The following CTNNBL1 variants were observed in gnomAD, a reference collection of about 807,000 sequenced individuals.
CTNNBL1 encodes catenin beta like 1, also known as beta-catenin-like protein 1.
Under a neutral mutation model 72.7 loss-of-function variants are expected in CTNNBL1, and 31 were observed. The ratio of observed to expected loss-of-function variants is 0.43; its 90% CI spans 0.32 to 0.58. The LOEUF (loss-of-function observed/expected upper bound fraction) is 0.58. Ranked by LOEUF, CTNNBL1 falls within the 20% of genes least tolerant of loss-of-function variation. CTNNBL1 has a pLI of 0.08. For missense variants in CTNNBL1, 534 were observed against 725.1 expected, an observed-to-expected ratio of 0.74 and a Z score of 3.03; for synonymous variants, 240 against 267.3, an observed-to-expected ratio of 0.90 and a Z score of 1.00.
chr20:37,860,923 C>A (rs562572299), intron 15 of CTNNBL1, among the ~76,000 whole-genome samples: 16 of 152,308 alleles, frequency 1.1e-4, no homozygotes, highest in South Asian at 8.3e-4. Flanking sequence ...GTGTAGTTAT[C>A]ATAGGTGTGT....
At chr20:37,773,132 A>G (rs1404498383) in intron 7 of CTNNBL1, among the ~76,000 whole-genome samples, 1 of 152,222 alleles carries the variant, frequency 6.6e-6, no homozygotes, top group Non-Finnish European at 1.5e-5. Flanking sequence ...TGCTTCAGAA[A>G]CAGTTGCAGC....
rs576640573 is a variant in CTNNBL1, at chr20:37,865,094, C to T, written c.1603+4750C>T. Among the ~76,000 whole-genome samples, 18 of 152,266 alleles carry T rather than the reference C, an allele frequency of 1.2e-4. No homozygotes were observed. The South Asian group carries it at 3.7e-3, about 32-fold the overall frequency. On this transcript the variant is annotated intron_variant, in intron 15 of 15. Coordinates refer to ENST00000361383, the MANE Select transcript of CTNNBL1 (RefSeq NM_030877.5). ...CAACTGCTGATTGGCCCATATGCTCCTATGGGCTTTTAGGAGAGAAGAAAA... is the reference window on the plus strand; with the variant it reads ...CAACTGCTGATTGGCCCATATGCTCTTATGGGCTTTTAGGAGAGAAGAAAA...
chr20:37,852,971 G>A (rs1335521864), intron 13 of CTNNBL1, among the ~76,000 whole-genome samples: 5 of 152,192 alleles, frequency 3.3e-5, no homozygotes, highest in Non-Finnish European at 5.9e-5. Flanking sequence ...CCTTGGCAGA[G>A]GAACTTATTT....
At chr20:37,782,610 A>T (rs1339340291) in intron 10 of CTNNBL1, among the ~76,000 whole-genome samples, 1 of 152,192 alleles carries the variant, frequency 6.6e-6, no homozygotes, top group Non-Finnish European at 1.5e-5. Flanking sequence ...AAGAAACAAA[A>T]ATAATTTTAA....
At chr20:37,745,817 C>T (rs1021281672) in intron 3 of CTNNBL1, among the ~76,000 whole-genome samples, 1 of 152,130 alleles carries the variant, frequency 6.6e-6, no homozygotes, top group Admixed American at 6.5e-5. Flanking sequence ...GGGCATGCAG[C>T]GTGAATGCAA....
intron 1 of CTNNBL1, among the ~76,000 whole-genome samples, chr20:37,721,151 C>T (rs1451187922): frequency 6.6e-6 from 1 of 152,176 alleles, no homozygotes; most frequent in Non-Finnish European, 1.5e-5. Context: ...CTGCCTGAAT[C>T]TTCTTGGATT....
chr20:37,809,606 A>G (rs1332973530), intron 11 of CTNNBL1, among the ~76,000 whole-genome samples: 1 of 152,124 alleles, frequency 6.6e-6, no homozygotes, highest in Non-Finnish European at 1.5e-5. Flanking sequence ...AGTCATTGCC[A>G]TTGTTATTTG....
chr20:37,737,562 T>A lies in CTNNBL1; in HGVS notation c.326+78T>A. The A allele has an allele frequency of 3.0e-6, 3 of 1,005,666 alleles. No homozygotes were observed. The South Asian group carries it at 4.7e-5, about 16-fold the overall frequency. The allele number at this position is 1,005,666 out of a possible 1,614,324, so 62.3% of individuals were successfully genotyped here. ...AATTTTGTTTTGATTTTGGTTTGTT[T>A]TGGCTTTTGTGATTTGGGCCAGGAA... On this transcript the variant is annotated intron_variant, in intron 3 of 15. Coordinates refer to ENST00000361383, the MANE Select transcript of CTNNBL1 (RefSeq NM_030877.5).
At chr20:37,796,592 T>C (rs1275482627) in intron 10 of CTNNBL1, among the ~76,000 whole-genome samples, 2 of 152,158 alleles carry the variant, frequency 1.3e-5, no homozygotes, top group Non-Finnish European at 2.9e-5. Flanking sequence ...TGGGTAGTAA[T>C]GCAATTAACT....
intron 1 of CTNNBL1, among the ~76,000 whole-genome samples, chr20:37,712,174 T>C (rs2072944046): frequency 6.6e-6 from 1 of 152,212 alleles, no homozygotes; most frequent in African/African-American, 2.4e-5. Context: ...ACATTTAATC[T>C]GTGTTCTGGC....
chr20:37,766,677 G>T (rs2073471768), intron 6 of CTNNBL1, among the ~76,000 whole-genome samples: 1 of 152,100 alleles, frequency 6.6e-6, no homozygotes. Context: ...TTCATGAGGG[G>T]AGTATCATTT....
chr20:37,857,238 A>G (rs1044410052), intron 13 of CTNNBL1, among the ~76,000 whole-genome samples: 5 of 152,238 alleles, frequency 3.3e-5, no homozygotes, highest in Non-Finnish European at 5.9e-5. Context: ...CCAGTGCTCC[A>G]TGACTACCTC....
intron 1 of CTNNBL1, among the ~76,000 whole-genome samples, chr20:37,729,849 G>A (rs1254891240): frequency 6.6e-6 from 1 of 152,132 alleles, no homozygotes; most frequent in Non-Finnish European, 1.5e-5. Context: ...TGTGGTTACT[G>A]GCATGTTGCT....
intron 11 of CTNNBL1, among the ~76,000 whole-genome samples, chr20:37,837,200 TTC>T (rs1444709859): frequency 5.1e-4 from 78 of 152,238 alleles, no homozygotes; most frequent in African/African-American, 1.7e-3. Flanking sequence ...TTATCCTACT[TTC>T]TCACCCCGAG....
chr20:37,743,001 A>G (rs1344534531), intron 3 of CTNNBL1, among the ~76,000 whole-genome samples: 2 of 151,782 alleles, frequency 1.3e-5, no homozygotes, highest in African/African-American at 2.4e-5. Flanking sequence ...ACGGGGTTTC[A>G]CTCTGTTGGC....
intron 10 of CTNNBL1, among the ~76,000 whole-genome samples, chr20:37,798,299 A>C (rs2073795915): frequency 6.6e-6 from 1 of 152,216 alleles, no homozygotes; most frequent in African/African-American, 2.4e-5. Context: ...CTACAACAGA[A>C]AACGTTTTCT....
chr20:37,764,141 C>G (rs2073442817), intron 5 of CTNNBL1, among the ~76,000 whole-genome samples: 1 of 152,138 alleles, frequency 6.6e-6, no homozygotes, highest in African/African-American at 2.4e-5. Flanking sequence ...AGGCCTGTTA[C>G]ATATTTTCAT....
At chr20:37,810,803 A>G (rs950647066) in intron 11 of CTNNBL1, among the ~76,000 whole-genome samples, 3 of 152,208 alleles carry the variant, frequency 2.0e-5, no homozygotes, top group Non-Finnish European at 4.4e-5. Flanking sequence ...GATGAAGAAC[A>G]TGAGTTTTGG....
intron 11 of CTNNBL1, among the ~76,000 whole-genome samples, chr20:37,822,599 C>T (rs372376219): frequency 2.6e-5 from 4 of 152,206 alleles, no homozygotes; most frequent in Non-Finnish European, 4.4e-5. Flanking sequence ...TGCTAAGCAG[C>T]GCCCTGGAAA....
Sources: allele counts gnomAD v4.1 joint callset (sites outside exome capture counted in the v4.1 genomes callset), GRCh38; gene constraint gnomAD v4.1.1; transcripts MANE v1.5; gene names NCBI Gene and HGNC (gene_info 2026-07-23, HGNC 2026-07-21).